LUZP2: variants seen among roughly 807,000 people sequenced by gnomAD.
The protein encoded by LUZP2 is leucine zipper protein 2.
In LUZP2, 52 loss-of-function variants were observed where a neutral mutation model predicts 51.6. The ratio of observed to expected loss-of-function variants is 1.01; its 90% CI spans 0.81 to 1.27. The LOEUF (loss-of-function observed/expected upper bound fraction) is 1.27, where lower values mean the gene tolerates loss of function less well. Among genes scored for constraint, LUZP2 ranks in the 50% most tolerant of loss-of-function variants. The pLI, the probability that LUZP2 is intolerant of heterozygous loss-of-function variation, is 0.00. For synonymous variants in LUZP2, 154 were observed against 137.3 expected (o/e 1.12, Z -0.85); for missense variants, 436 against 395.4 (o/e 1.10, Z -0.87).
chr11:25,017,048 G>A (rs2133967637), intron 9 of LUZP2, among the ~76,000 whole-genome samples: 1 of 152,104 alleles, frequency 6.6e-6, no homozygotes, highest in South Asian at 2.1e-4. Context: ...TTTTGCATAT[G>A]TTTGTTGGCC....
chr11:24,887,805 A>G (rs1852721625), intron 5 of LUZP2, among the ~76,000 whole-genome samples: 1 of 152,222 alleles, frequency 6.6e-6, no homozygotes, highest in African/African-American at 2.4e-5. Flanking sequence ...TGAAAAACAC[A>G]TTTAAACTGA....
chr11:24,507,742 T>G (rs1435827194), intron 1 of LUZP2, among the ~76,000 whole-genome samples: 1 of 151,934 alleles, frequency 6.6e-6, no homozygotes, highest in East Asian at 1.9e-4. Context: ...GGGCAGGAAA[T>G]CTGAACTTTC....
intron 5 of LUZP2, among the ~76,000 whole-genome samples, chr11:24,822,880 T>C (rs1850400502): frequency 1.3e-5 from 2 of 152,246 alleles, no homozygotes; most frequent in South Asian, 4.1e-4. Flanking sequence ...CTTTAAAATT[T>C]ACACCACAAA....
At chr11:24,672,248 T>A (rs1246872736) in intron 1 of LUZP2, among the ~76,000 whole-genome samples, 1 of 152,148 alleles carries the variant, frequency 6.6e-6, no homozygotes, top group African/African-American at 2.4e-5. Flanking sequence ...TTGAGAGTAG[T>A]TACAAATTGA....
intron 1 of LUZP2, among the ~76,000 whole-genome samples, chr11:24,544,515 C>T (rs1851480889): frequency 6.6e-6 from 1 of 152,036 alleles, no homozygotes; most frequent in African/African-American, 2.4e-5. Context: ...CATTTAGCTC[C>T]CTAGTAAAGT....
chr11:24,708,935 A>G (rs1262561011), intron 1 of LUZP2, among the ~76,000 whole-genome samples: 2 of 152,216 alleles, frequency 1.3e-5, no homozygotes, highest in African/African-American at 4.8e-5. Context: ...CAGCTCTATC[A>G]TTAATTACCA....
intron 4 of LUZP2, among the ~76,000 whole-genome samples, chr11:24,753,413 T>A (rs1268881853): frequency 2.0e-5 from 3 of 152,196 alleles, no homozygotes; most frequent in African/African-American, 7.2e-5. Context: ...CAGCTTTATG[T>A]CCCCCAGGGT....
At chr11:24,638,327 T>C (rs955079580) in intron 1 of LUZP2, among the ~76,000 whole-genome samples, 3 of 151,744 alleles carry the variant, frequency 2.0e-5, no homozygotes, top group African/African-American at 4.9e-5. Context: ...GAAATTATAC[T>C]AGAAATTTAA....
chr11:24,960,396 G>A (rs1326742503), intron 7 of LUZP2, among the ~76,000 whole-genome samples: 1 of 152,032 alleles, frequency 6.6e-6, no homozygotes, highest in East Asian at 1.9e-4. Flanking sequence ...CTTTTTGGTT[G>A]GTAAGCTATT....
At chr11:24,667,319 G>T (rs1012265780) in intron 1 of LUZP2, among the ~76,000 whole-genome samples, 1 of 151,560 alleles carries the variant, frequency 6.6e-6, no homozygotes, top group Non-Finnish European at 1.5e-5. Flanking sequence ...GAGTAGCTGG[G>T]ACTACAGACA....
intron 1 of LUZP2, among the ~76,000 whole-genome samples, chr11:24,626,566 G>C (rs1452983425): frequency 6.6e-6 from 1 of 152,140 alleles, no homozygotes; most frequent in East Asian, 1.9e-4. Context: ...GTAAGGATGA[G>C]ATGGGAGACC....
At position 24,553,062 on chromosome 11, in the gene LUZP2, A is replaced by G. The variant is rs561526792; in HGVS notation, c.62+55757A>G. On this transcript the variant is annotated intron_variant, in intron 1 of 11. Transcript: ENST00000336930. ...CACATACTGTAGACCTTGAGGTCACAATAATAACTGTTACGTTATTTTTGC... is the reference window on the plus strand; with the variant it reads ...CACATACTGTAGACCTTGAGGTCACGATAATAACTGTTACGTTATTTTTGC... Among the ~76,000 whole-genome samples, 272 of 151,786 alleles carry G rather than the reference A, an allele frequency of 1.8e-3. 3 individuals carry two copies. The highest frequency in any genetic ancestry group is 5.9e-3 in the African/African-American group (247 of 41,518).
intron 4 of LUZP2, among the ~76,000 whole-genome samples, chr11:24,761,361 G>A (rs1859972289): frequency 6.6e-6 from 1 of 152,112 alleles, no homozygotes; most frequent in Non-Finnish European, 1.5e-5. Flanking sequence ...CAGTAGGATG[G>A]TGCTAAACCA....
chr11:24,545,689 C>T (rs1036053633), intron 1 of LUZP2, among the ~76,000 whole-genome samples: 2 of 151,340 alleles, frequency 1.3e-5, no homozygotes, highest in Non-Finnish European at 2.9e-5. Flanking sequence ...GTTGCTGTAG[C>T]ACCATAGTAT....
At chr11:24,678,530 A>G (rs532170855) in intron 1 of LUZP2, among the ~76,000 whole-genome samples, 2 of 146,738 alleles carry the variant, frequency 1.4e-5, no homozygotes, top group African/African-American at 5.0e-5. Flanking sequence ...GAAGGAAAAA[A>G]TATTAAAAGA....
intron 1 of LUZP2, among the ~76,000 whole-genome samples, chr11:24,683,744 T>G (rs184282542): frequency 1.2e-4 from 18 of 152,316 alleles, no homozygotes; most frequent in African/African-American, 4.3e-4. Context: ...CATCACCTAC[T>G]CAGCAGGAGT....
chr11:24,579,113 A>AGATG (rs1852761824), intron 1 of LUZP2, among the ~76,000 whole-genome samples: 1 of 152,146 alleles, frequency 6.6e-6, no homozygotes, highest in African/African-American at 2.4e-5. Context: ...AGTTTGAAAA[A>AGATG]GATGCATATT....
chr11:24,677,170 T>G (rs1856585817), intron 1 of LUZP2, among the ~76,000 whole-genome samples: 2 of 152,228 alleles, frequency 1.3e-5, no homozygotes, highest in African/African-American at 4.8e-5. Context: ...CACCTGTAGC[T>G]GCCTGGCACT....
In LUZP2 at chr11:24,607,658, TG is replaced by T. The variant is rs1853973827; in HGVS notation, c.62+110354del. On this transcript the variant is annotated intron_variant, in intron 1 of 11. Transcript: ENST00000336930. ...GATTCCATACAAAGTTTAGGATTTT[TG>T]TGCGTGTGTGAAAAATACTGTTGGA... is the stretch of plus-strand genomic sequence containing the variant. Among the ~76,000 whole-genome samples the T allele has an allele frequency of 3.3e-5, 5 of 152,090 alleles. No individual in the cohort carries two copies. The South Asian group carries it at 1.0e-3, about 31-fold the overall frequency.
Sources: allele counts gnomAD v4.1 joint callset (sites outside exome capture counted in the v4.1 genomes callset), GRCh38; gene constraint gnomAD v4.1.1; transcripts MANE v1.5; gene names NCBI Gene and HGNC (gene_info 2026-07-23, HGNC 2026-07-21).